RBFOX1: variants seen among roughly 807,000 people sequenced by gnomAD.
The protein encoded by RBFOX1 is RNA binding fox-1 homolog 1.
A neutral mutation model predicts 57.7 loss-of-function variants in RBFOX1; 8 were observed. The ratio of observed to expected loss-of-function variants is 0.14; its 90% CI spans 0.08 to 0.25. The LOEUF is 0.25. Ranked by LOEUF, RBFOX1 falls within the 10% of genes least tolerant of loss-of-function variation. RBFOX1 has a pLI of 1.00. For synonymous variants in RBFOX1, 326 were observed against 222.4 expected (o/e 1.47, Z -4.15); for missense variants, 611 against 548.5 (o/e 1.11, Z -1.14).
intron 2 of RBFOX1, among the ~76,000 whole-genome samples, chr16:5,548,532 A>C (rs913101477): frequency 6.6e-6 from 1 of 152,094 alleles, no homozygotes; most frequent in Non-Finnish European, 1.5e-5. Context: ...AACTCAGAGG[A>C]TAAATGCTTG....
chr16:5,819,431 A>G (rs534068366), intron 3 of RBFOX1, among the ~76,000 whole-genome samples: 91 of 152,306 alleles, frequency 6.0e-4, no homozygotes, highest in Non-Finnish European at 1.0e-3. Context: ...CTCTGCTTCC[A>G]TCTATGCTCT....
intron 3 of RBFOX1, chr16:6,773,794 A>T (rs2078867620): frequency 6.0e-6 from 1 of 165,842 alleles, no homozygotes; most frequent in African/African-American, 2.8e-5. Flanking sequence ...ATCTATGTGT[A>T]TGTGTGGGAG....
intron 1 of RBFOX1, among the ~76,000 whole-genome samples, chr16:5,382,976 G>C (rs924671759): frequency 2.0e-5 from 3 of 152,156 alleles, no homozygotes; most frequent in Non-Finnish European, 4.4e-5. Flanking sequence ...TGCTTTGCTG[G>C]GTTCAATTTA....
At chr16:6,919,957 C>T (rs2074101954) in intron 3 of RBFOX1, among the ~76,000 whole-genome samples, 1 of 151,862 alleles carries the variant, frequency 6.6e-6, no homozygotes, top group African/African-American at 2.4e-5. Context: ...CCTCTGAGTC[C>T]CCAAAGTCCA....
chr16:7,176,246 G>A (rs1489713610), intron 4 of RBFOX1, among the ~76,000 whole-genome samples: 1 of 112,944 alleles, frequency 8.9e-6, no homozygotes, highest in African/African-American at 4.1e-5. Flanking sequence ...TAAAATCATG[G>A]ATAGGATTAC....
intron 6 of RBFOX1, among the ~76,000 whole-genome samples, chr16:7,582,722 T>C (rs1411232776): frequency 6.6e-6 from 1 of 152,206 alleles, no homozygotes; most frequent in Non-Finnish European, 1.5e-5. Context: ...TTCTTTCCTT[T>C]TGGTGCTCTA....
At chr16:6,973,844 G>C (rs918486015) in intron 3 of RBFOX1, among the ~76,000 whole-genome samples, 2 of 152,060 alleles carry the variant, frequency 1.3e-5, no homozygotes, top group Non-Finnish European at 2.9e-5. Flanking sequence ...AGGTAAACGT[G>C]TGCCATGGTG....
intron 2 of RBFOX1, among the ~76,000 whole-genome samples, chr16:6,448,849 G>A (rs2094537836): frequency 6.6e-6 from 1 of 152,052 alleles, no homozygotes; most frequent in South Asian, 2.1e-4. Context: ...TTTTTGTACT[G>A]GTTCTAGACA....
chr16:7,077,773 C>A (rs940541960), intron 4 of RBFOX1, among the ~76,000 whole-genome samples: 1 of 152,184 alleles, frequency 6.6e-6, no homozygotes, highest in East Asian at 1.9e-4. Flanking sequence ...GCAGCTTTCC[C>A]TTGAACTGAT....
chr16:7,645,436 G>A (rs888729053), intron 11 of RBFOX1, among the ~76,000 whole-genome samples: 3 of 152,234 alleles, frequency 2.0e-5, no homozygotes, highest in East Asian at 1.9e-4. Flanking sequence ...AATGGCACAC[G>A]CAGCCAGGAA....
At chr16:7,263,142 C>T (rs2094986598) in intron 4 of RBFOX1, among the ~76,000 whole-genome samples, 1 of 152,150 alleles carries the variant, frequency 6.6e-6, no homozygotes, top group Admixed American at 6.5e-5. Context: ...TGCTATTGTG[C>T]ATGCTTTATA....
At chr16:7,156,983 T>C (rs993815700) in intron 4 of RBFOX1, among the ~76,000 whole-genome samples, 1 of 152,206 alleles carries the variant, frequency 6.6e-6, no homozygotes, top group Non-Finnish European at 1.5e-5. Context: ...ACTTCCCTTA[T>C]AACAAACATA....
intron 2 of RBFOX1, among the ~76,000 whole-genome samples, chr16:6,318,860 G>C (rs1360357458): frequency 6.6e-6 from 1 of 151,378 alleles, no homozygotes; most frequent in Non-Finnish European, 1.5e-5. Context: ...TGCCTTATTG[G>C]GGATGTTTAT....
chr16:6,318,506 G>T (rs534811792), intron 2 of RBFOX1, among the ~76,000 whole-genome samples: 22 of 152,132 alleles, frequency 1.4e-4, no homozygotes, highest in Non-Finnish European at 2.4e-4. Flanking sequence ...GGGGAGGGAT[G>T]GAGGACATAA....
At chr16:5,708,988 C>G (rs371890112) in intron 3 of RBFOX1, among the ~76,000 whole-genome samples, 2 of 152,314 alleles carry the variant, frequency 1.3e-5, no homozygotes, top group African/African-American at 4.8e-5. Flanking sequence ...GTGTTAGCAT[C>G]TCTTGTTTAA....
Position 6,366,228 on chromosome 16 carries a change from T to C in RBFOX1, c.-64+49171T>C, listed in dbSNP as rs142111296. Reference sequence around the variant, plus strand: ...GGAAGATGCATCTTGCTGGAAGATATATGTCTTGATATGTATATCTGGAAG... The same window carrying C: ...GGAAGATGCATCTTGCTGGAAGATACATGTCTTGATATGTATATCTGGAAG... On this transcript the variant is annotated intron_variant, in intron 2 of 15. Transcript: ENST00000550418. Among the ~76,000 whole-genome samples, 24 of 152,262 alleles carry C rather than the reference T, an allele frequency of 1.6e-4. 1 individual carries two copies. The highest frequency in any genetic ancestry group is 1.1e-3 in the Admixed American group (17 of 15,290).
At chr16:6,029,686 C>T (rs1162737285) in intron 1 of RBFOX1, among the ~76,000 whole-genome samples, 14 of 143,582 alleles carry the variant, frequency 9.8e-5, no homozygotes, top group Non-Finnish European at 1.5e-4. Context: ...GGCAGGAGAA[C>T]GGCGTGAACA....
At chr16:7,552,541 T>A (rs1305378335) in intron 5 of RBFOX1, among the ~76,000 whole-genome samples, 1 of 152,192 alleles carries the variant, frequency 6.6e-6, no homozygotes, top group African/African-American at 2.4e-5. Context: ...TAAGGCGAGA[T>A]CTGAACTGAA....
chr16:7,630,634 G>A lies in RBFOX1; in HGVS notation c.708G>A (p.Glu236=), dbSNP rs368113568. ...TCCTGTTGTGCCAGGCCAACCAGGA[G>A]GGATCTTCCATGTACAGTGCCCCCA... ...GTVLLCQANQ[E]GSSMYSAPSS... The change falls in exon 11 of 16, where the codon GAG becomes GAA. Residue 236 remains glutamate, a synonymous_variant. Coordinates refer to ENST00000550418, the MANE Select transcript of RBFOX1 (RefSeq NM_018723.4). 87 of 1,614,180 alleles carry A rather than the reference G, an allele frequency of 5.4e-5. No individual in the cohort carries two copies. The East Asian group carries it at 9.6e-4, about 18-fold the overall frequency.
Sources: allele counts gnomAD v4.1 joint callset (sites outside exome capture counted in the v4.1 genomes callset), GRCh38; gene constraint gnomAD v4.1.1; transcripts MANE v1.5; gene names NCBI Gene and HGNC (gene_info 2026-07-23, HGNC 2026-07-21).